The following CALN1 variants were observed in gnomAD, a reference collection of about 807,000 sequenced individuals.
CALN1 encodes calneuron 1, also known as calcium-binding protein 8.
A neutral mutation model predicts 30.6 loss-of-function variants in CALN1; 17 were observed. That is an observed-to-expected ratio of 0.56 (90% CI 0.38 to 0.83). The LOEUF (loss-of-function observed/expected upper bound fraction) is 0.83. Ranked by LOEUF, CALN1 falls within the 40% of genes least tolerant of loss-of-function variation. The pLI is 0.00. For missense variants in CALN1, 291 were observed against 354.9 expected (o/e 0.82, Z 1.45); for synonymous variants, 156 against 131.4 (o/e 1.19, Z -1.28).
chr7:72,487,949 GGAAGGAAA>G, the CALN1 span, among the ~76,000 whole-genome samples: 1 of 63,606 alleles, frequency 1.6e-5, no homozygotes, highest in South Asian at 5.4e-4. Flanking sequence ...AAGGAAGGAA[GGAAGGAAA>G]GGAAGGAAGG....
At chr7:72,237,874 A>T (rs1231595022) in intron 3 of CALN1, among the ~76,000 whole-genome samples, 1 of 152,220 alleles carries the variant, frequency 6.6e-6, no homozygotes, top group African/African-American at 2.4e-5. Flanking sequence ...AAATGTTACC[A>T]TGGAAAATGG....
intron 5 of CALN1, among the ~76,000 whole-genome samples, chr7:71,963,780 G>A (rs74587518): frequency 0.1 from 15,778 of 151,916 alleles, 1,153 homozygotes; most frequent in East Asian, 0.2. Context: ...AATGCTACAC[G>A]TACATTAACT....
chr7:71,900,416 ACT>A (rs1055679318), intron 5 of CALN1, among the ~76,000 whole-genome samples: 1 of 152,176 alleles, frequency 6.6e-6, no homozygotes, highest in African/African-American at 2.4e-5. Context: ...AACCCTAAAG[ACT>A]CTGCCAAAAG....
chr7:72,068,114 C>G (rs1465610761), intron 4 of CALN1, among the ~76,000 whole-genome samples: 3 of 152,116 alleles, frequency 2.0e-5, no homozygotes, highest in African/African-American at 7.2e-5. Context: ...CTTAAATAGT[C>G]AATCTTGGCT....
chr7:71,858,443 C>T (rs1791079652), intron 5 of CALN1, among the ~76,000 whole-genome samples: 2 of 151,704 alleles, frequency 1.3e-5, no homozygotes, highest in African/African-American at 4.9e-5. Context: ...GAGCTGGGAA[C>T]TATGTCAGGA....
chr7:72,250,890 A>G (rs1795507232), intron 3 of CALN1, among the ~76,000 whole-genome samples: 1 of 152,120 alleles, frequency 6.6e-6, no homozygotes, highest in Non-Finnish European at 1.5e-5. Context: ...AGGTATCCCT[A>G]TATAGCAATG....
At chr7:72,057,468 T>A (rs1394272962) in intron 4 of CALN1, among the ~76,000 whole-genome samples, 1 of 151,268 alleles carries the variant, frequency 6.6e-6, no homozygotes, top group Admixed American at 6.6e-5. Flanking sequence ...GTCATAGATT[T>A]CTGCATCATG....
intron 2 of CALN1, among the ~76,000 whole-genome samples, chr7:72,290,522 C>G (rs1392881871): frequency 1.3e-5 from 2 of 152,142 alleles, no homozygotes; most frequent in African/African-American, 4.8e-5. Context: ...GGACAACCAC[C>G]TAAAATCCAC....
chr7:72,501,961 A>T, the CALN1 span, among the ~76,000 whole-genome samples: 1 of 124,762 alleles, frequency 8.0e-6, no homozygotes, highest in African/African-American at 3.3e-5. Flanking sequence ...ACACATATAT[A>T]TATATAAATA....
intron 2 of CALN1, among the ~76,000 whole-genome samples, chr7:72,309,013 C>T (rs944469066): frequency 6.6e-6 from 1 of 152,134 alleles, no homozygotes; most frequent in Non-Finnish European, 1.5e-5. Context: ...TACCTTATCC[C>T]CATTTTATAG....
At chr7:72,451,761 G>T (rs1175268636), upstream of CALN1, among the ~76,000 whole-genome samples, 2 of 152,030 alleles carry the variant, frequency 1.3e-5, no homozygotes, top group Non-Finnish European at 2.9e-5. Context: ...GCACATCCTT[G>T]TGTTATGTAT....
At chr7:71,887,113 G>A (rs2077811524) in intron 5 of CALN1, among the ~76,000 whole-genome samples, 1 of 152,062 alleles carries the variant, frequency 6.6e-6, no homozygotes, top group Non-Finnish European at 1.5e-5. Flanking sequence ...CACGGTTGGG[G>A]AGCGCCGAGG....
chr7:72,202,705 T>G (rs1308517198), intron 3 of CALN1, among the ~76,000 whole-genome samples: 1 of 152,218 alleles, frequency 6.6e-6, no homozygotes, highest in Non-Finnish European at 1.5e-5. Context: ...GAAAATAACA[T>G]GCTTGGCTGT....
chr7:72,375,446 T>C (rs532132497), intron 2 of CALN1, among the ~76,000 whole-genome samples: 53 of 151,900 alleles, frequency 3.5e-4, no homozygotes, highest in African/African-American at 1.2e-3. Flanking sequence ...ACACCTGTAG[T>C]TCCAGCTACT....
At chr7:72,134,222 A>G (rs1809353672) in intron 3 of CALN1, among the ~76,000 whole-genome samples, 1 of 152,234 alleles carries the variant, frequency 6.6e-6, no homozygotes. Context: ...GCCAGACACC[A>G]TTCCTGCTGG....
chr7:72,138,853 A>G (rs901868423), intron 3 of CALN1, among the ~76,000 whole-genome samples: 2 of 152,106 alleles, frequency 1.3e-5, no homozygotes, highest in African/African-American at 4.8e-5. Context: ...CTCAATGGAA[A>G]AACATGCTGG....
At chr7:71,897,705 C>A (rs1793602689) in intron 5 of CALN1, among the ~76,000 whole-genome samples, 1 of 151,086 alleles carries the variant, frequency 6.6e-6, no homozygotes, top group African/African-American at 2.4e-5. Flanking sequence ...TAATATCAAC[C>A]CAGGCCTCAA....
Position 71,925,246 on chromosome 7 carries a change from G to C in CALN1, c.501+98411C>G, listed in dbSNP as rs191667334. On this transcript the variant is annotated intron_variant, in intron 5 of 6. Coordinates refer to ENST00000395275, the MANE Select transcript of CALN1 (RefSeq NM_031468.4). ...ACACAGTGAGACTCTGAGGGGGAGA[G>C]AGAGAGAGAGACAAAGAAAAGCAAG... 2.0e-4 allele frequency among the ~76,000 whole-genome samples: 30 copies of C among 152,050 alleles called. No homozygotes were observed. The East Asian group carries it at 5.6e-3, about 28-fold the overall frequency.
chr7:72,036,167 G>GC, intron 4 of CALN1, among the ~76,000 whole-genome samples: 1 of 152,252 alleles, frequency 6.6e-6, no homozygotes. Flanking sequence ...GAACATATCA[G>GC]CCCACTGCCT....
Sources: gnomAD v4.1 joint callset for allele counts (sites outside exome capture counted in the v4.1 genomes callset) on GRCh38, gnomAD v4.1.1 for gene constraint, MANE v1.5 for transcripts, NCBI Gene and HGNC (gene_info 2026-07-23, HGNC 2026-07-21) for gene names.